PTPRM: variants seen among roughly 807,000 people sequenced by gnomAD.
PTPRM encodes the protein protein tyrosine phosphatase receptor type M.
In PTPRM, 47 loss-of-function variants were observed where a neutral mutation model predicts 186.7. That is an observed-to-expected ratio of 0.25 (90% CI 0.20 to 0.32). PTPRM has a LOEUF of 0.32. Among genes scored for constraint, PTPRM ranks in the 10% least tolerant of loss-of-function variants. The pLI, the probability that PTPRM is intolerant of heterozygous loss-of-function variation, is 1.00. For synonymous variants in PTPRM, 668 were observed against 674.9 expected, an observed-to-expected ratio of 0.99 and a Z score of 0.16; for missense variants, 1,494 against 1,865.0, an observed-to-expected ratio of 0.80 and a Z score of 3.66.
intron 1 of PTPRM, among the ~76,000 whole-genome samples, chr18:7,704,213 T>G (rs1398447637): frequency 6.6e-6 from 1 of 152,172 alleles, no homozygotes; most frequent in Non-Finnish European, 1.5e-5. Context: ...GATTTCCTCT[T>G]TTTCTTTTAT....
intron 14 of PTPRM, among the ~76,000 whole-genome samples, chr18:8,178,780 C>T (rs184193951): frequency 2.0e-4 from 30 of 151,248 alleles, no homozygotes; most frequent in Non-Finnish European, 3.5e-4. Flanking sequence ...GATCAAGACT[C>T]CGTCTCAAAA....
intron 14 of PTPRM, among the ~76,000 whole-genome samples, chr18:8,152,794 T>C (rs964840577): frequency 2.8e-5 from 4 of 141,440 alleles, no homozygotes; most frequent in African/African-American, 1.0e-4. Flanking sequence ...CTGAGCTCAC[T>C]GCAACCTCCG....
At chr18:7,998,078 G>A (rs1390380372) in intron 7 of PTPRM, among the ~76,000 whole-genome samples, 1 of 152,092 alleles carries the variant, frequency 6.6e-6, no homozygotes. Flanking sequence ...AGAGAGATTT[G>A]CACTCTCATA....
chr18:8,147,174 A>T (rs1194226813), intron 14 of PTPRM, among the ~76,000 whole-genome samples: 1 of 152,158 alleles, frequency 6.6e-6, no homozygotes, highest in Admixed American at 6.5e-5. Flanking sequence ...GTTTTTTCCA[A>T]TTCTATGAAG....
At chr18:8,179,220 T>C (rs534130151) in intron 14 of PTPRM, among the ~76,000 whole-genome samples, 1 of 152,370 alleles carries the variant, frequency 6.6e-6, no homozygotes, top group Admixed American at 6.5e-5. Context: ...GTTAACTTTT[T>C]CTTGCCACAA....
At chr18:7,619,472 C>CTG (rs763315017) in intron 1 of PTPRM, among the ~76,000 whole-genome samples, 6 of 151,800 alleles carry the variant, frequency 4.0e-5, no homozygotes, top group Admixed American at 1.3e-4. Flanking sequence ...GCAGTTGCTG[C>CTG]TGTGTGTGTG....
chr18:7,574,941 A>T (rs942846366), intron 1 of PTPRM, among the ~76,000 whole-genome samples: 4 of 152,202 alleles, frequency 2.6e-5, no homozygotes, highest in African/African-American at 9.6e-5. Flanking sequence ...CTGAGGCAGG[A>T]GAATGGCGTG....
chr18:7,749,220 G>A (rs1410228005), intron 1 of PTPRM: 3 of 151,932 alleles, frequency 2.0e-5, no homozygotes, highest in African/African-American at 4.8e-5. Context: ...ATGGAGGAGG[G>A]GACAGAGTTG....
intron 7 of PTPRM, among the ~76,000 whole-genome samples, chr18:7,957,858 A>C (rs1260632850): frequency 6.6e-6 from 1 of 152,208 alleles, no homozygotes. Flanking sequence ...TCAGTCCCAA[A>C]GTATTATTCA....
At chr18:7,766,186 C>T (rs1265298484) in intron 1 of PTPRM, among the ~76,000 whole-genome samples, 4 of 152,136 alleles carry the variant, frequency 2.6e-5, no homozygotes, top group Admixed American at 6.5e-5. Flanking sequence ...CACTGAAGCT[C>T]CTGTGTCTTT....
chr18:7,701,933 A>T (rs1267995972), intron 1 of PTPRM, among the ~76,000 whole-genome samples: 1 of 151,780 alleles, frequency 6.6e-6, no homozygotes, highest in South Asian at 2.1e-4. Flanking sequence ...ACTCCCGTTT[A>T]TGAGAACATG....
chr18:8,183,685 G>A (rs1170788994), intron 14 of PTPRM, among the ~76,000 whole-genome samples: 1 of 152,132 alleles, frequency 6.6e-6, no homozygotes, highest in Non-Finnish European at 1.5e-5. Flanking sequence ...TAAAGTAGGA[G>A]GAATAAAATG....
At chr18:8,140,271 C>G (rs1338361132) in intron 13 of PTPRM, among the ~76,000 whole-genome samples, 1 of 152,040 alleles carries the variant, frequency 6.6e-6, no homozygotes, top group Non-Finnish European at 1.5e-5. Flanking sequence ...GTTCAGTAGT[C>G]AAAATTGGGC....
intron 1 of PTPRM, among the ~76,000 whole-genome samples, chr18:7,671,691 A>G (rs969042813): frequency 1.3e-5 from 2 of 152,264 alleles, no homozygotes; most frequent in African/African-American, 4.8e-5. Flanking sequence ...TTAACCTTTC[A>G]TTCGTAAGTG....
chr18:7,713,033 C>A (rs1293858814), intron 1 of PTPRM, among the ~76,000 whole-genome samples: 1 of 152,212 alleles, frequency 6.6e-6, no homozygotes, highest in Non-Finnish European at 1.5e-5. Context: ...CACAAAGATA[C>A]ACCTTGAGAA....
chr18:7,631,834 G>A (rs1288286169), intron 1 of PTPRM, among the ~76,000 whole-genome samples: 1 of 152,054 alleles, frequency 6.6e-6, no homozygotes, highest in Non-Finnish European at 1.5e-5. Flanking sequence ...TGAGTCTGGG[G>A]TATTTTTGCA....
At chr18:7,929,503 T>G (rs561819590) in intron 5 of PTPRM, among the ~76,000 whole-genome samples, 1 of 152,328 alleles carries the variant, frequency 6.6e-6, no homozygotes, top group African/African-American at 2.4e-5. Flanking sequence ...TTACTGAAAC[T>G]TACTTTATCC....
intron 20 of PTPRM, among the ~76,000 whole-genome samples, chr18:8,298,265 C>G (rs16953204): frequency 0.039 from 5,864 of 152,310 alleles, 162 homozygotes; most frequent in East Asian, 0.069. Flanking sequence ...ATGGCTATGA[C>G]ATCCTTTCCA....
At chr18:8,299,214 G>T (rs1226720898) in intron 20 of PTPRM, among the ~76,000 whole-genome samples, 1 of 152,120 alleles carries the variant, frequency 6.6e-6, no homozygotes, top group African/African-American at 2.4e-5. Flanking sequence ...TCCTGTACCC[G>T]TTGCTCGTCA....
Sources: gnomAD v4.1 joint callset for allele counts (sites outside exome capture counted in the v4.1 genomes callset) on GRCh38, gnomAD v4.1.1 for gene constraint, MANE v1.5 for transcripts, NCBI Gene and HGNC (gene_info 2026-07-23, HGNC 2026-07-21) for gene names.